CNTNAP2: variants seen among roughly 807,000 people sequenced by gnomAD.
The protein encoded by CNTNAP2 is contactin-associated protein-like 2.
In CNTNAP2, 98 loss-of-function variants were observed where a neutral mutation model predicts 155.2. That is an observed-to-expected ratio of 0.63 (90% CI 0.54 to 0.75). CNTNAP2 has a LOEUF of 0.75. Ranked by LOEUF, CNTNAP2 falls within the 30% of genes least tolerant of loss-of-function variation. The pLI, the probability that CNTNAP2 is intolerant of heterozygous loss-of-function variation, is 0.00. For synonymous variants in CNTNAP2, 651 were observed against 631.2 expected (o/e 1.03, Z -0.47); for missense variants, 1,727 against 1,688.1 (o/e 1.02, Z -0.40).
At chr7:147,102,989 A>G (rs1800686066) in intron 4 of CNTNAP2, among the ~76,000 whole-genome samples, 1 of 152,184 alleles carries the variant, frequency 6.6e-6, no homozygotes, top group South Asian at 2.1e-4. Context: ...CCTCAAGTAT[A>G]TTTGTAGTTG....
At chr7:147,887,546 A>T (rs1455061768) in intron 13 of CNTNAP2, among the ~76,000 whole-genome samples, 1 of 152,186 alleles carries the variant, frequency 6.6e-6, no homozygotes. Flanking sequence ...ATTGAGGAAG[A>T]TCCTTGAGGC....
intron 1 of CNTNAP2, among the ~76,000 whole-genome samples, chr7:146,180,301 CT>C (rs765010419): frequency 4.6e-5 from 7 of 151,702 alleles, no homozygotes; most frequent in East Asian, 1.9e-4. Flanking sequence ...TCATTTTTTT[CT>C]TTTTTTCTTT....
intron 8 of CNTNAP2, among the ~76,000 whole-genome samples, chr7:147,169,396 A>G (rs1306298624): frequency 6.6e-6 from 1 of 152,140 alleles, no homozygotes; most frequent in East Asian, 1.9e-4. Context: ...TGAGCATTGT[A>G]CCCAATAGGT....
intron 5 of CNTNAP2, among the ~76,000 whole-genome samples, chr7:147,116,795 C>T (rs1801000936): frequency 6.6e-6 from 1 of 152,116 alleles, no homozygotes; most frequent in Non-Finnish European, 1.5e-5. Flanking sequence ...GAGGTCCCAC[C>T]CAGTAGGAAG....
intron 1 of CNTNAP2, among the ~76,000 whole-genome samples, chr7:146,290,291 G>A (rs779128584): frequency 1.3e-5 from 2 of 152,118 alleles, no homozygotes; most frequent in Non-Finnish European, 2.9e-5. Flanking sequence ...ATCCAGTTGA[G>A]TTCTCCTACT....
At chr7:147,603,859 G>T (rs1317097452) in intron 12 of CNTNAP2, among the ~76,000 whole-genome samples, 1 of 152,070 alleles carries the variant, frequency 6.6e-6, no homozygotes, top group Non-Finnish European at 1.5e-5. Context: ...GCATGGTACT[G>T]GTACTAAAAC....
At chr7:146,184,956 T>C (rs1798601600) in intron 1 of CNTNAP2, among the ~76,000 whole-genome samples, 1 of 152,180 alleles carries the variant, frequency 6.6e-6, no homozygotes, top group African/African-American at 2.4e-5. Flanking sequence ...TCAGAGATGG[T>C]TTTTCTGTAT....
At chr7:146,276,155 C>A (rs150153884) in intron 1 of CNTNAP2, among the ~76,000 whole-genome samples, 2 of 152,148 alleles carry the variant, frequency 1.3e-5, no homozygotes, top group East Asian at 1.9e-4. Flanking sequence ...TCAAGGGGAC[C>A]AAGACAATCA....
chr7:147,013,636 C>A (rs550036656), intron 3 of CNTNAP2, among the ~76,000 whole-genome samples: 27 of 152,162 alleles, frequency 1.8e-4, no homozygotes, highest in Middle Eastern at 3.4e-3. Context: ...ATACTTCATC[C>A]GTGTCCGTCT....
intron 4 of CNTNAP2, among the ~76,000 whole-genome samples, 179 bp downstream of exon 4, chr7:147,044,233 T>C (rs747303339): frequency 7.2e-5 from 11 of 152,098 alleles, no homozygotes; most frequent in Non-Finnish European, 1.5e-4. Flanking sequence ...GTGTCTCTAT[T>C]TGCATGTTAT....
At chr7:148,194,793 T>A (rs898514500) in intron 18 of CNTNAP2, among the ~76,000 whole-genome samples, 15 of 152,162 alleles carry the variant, frequency 9.9e-5, no homozygotes, top group African/African-American at 3.4e-4. Flanking sequence ...ACCTTTTTGT[T>A]CCATCTGGCC....
chr7:147,831,791 A>G (rs1563104181), intron 13 of CNTNAP2: 1 of 152,192 alleles, frequency 6.6e-6, no homozygotes, highest in Non-Finnish European at 1.5e-5. Flanking sequence ...GGCAGCACAT[A>G]TGCTAACACT....
At chr7:147,088,927 G>C (rs1800338985) in intron 4 of CNTNAP2, among the ~76,000 whole-genome samples, 1 of 152,048 alleles carries the variant, frequency 6.6e-6, no homozygotes, top group Non-Finnish European at 1.5e-5. Context: ...CTGGGTGACA[G>C]AGCAAGATGC....
intron 12 of CNTNAP2, among the ~76,000 whole-genome samples, chr7:147,595,336 T>G (rs1041475273): frequency 1.1e-4 from 16 of 152,192 alleles, no homozygotes; most frequent in African/African-American, 3.6e-4. Context: ...ATTCAAATGA[T>G]TCACCAATTT....
intron 14 of CNTNAP2, among the ~76,000 whole-genome samples, chr7:147,951,353 G>A (rs903485839): frequency 2.0e-5 from 3 of 152,154 alleles, no homozygotes; most frequent in African/African-American, 4.8e-5. Context: ...TTCTGTAATA[G>A]GGAAAGAGGA....
At chr7:146,154,030 C>G (rs1798089685) in intron 1 of CNTNAP2, among the ~76,000 whole-genome samples, 1 of 151,954 alleles carries the variant, frequency 6.6e-6, no homozygotes, top group African/African-American at 2.4e-5. Context: ...TTGGAAAACA[C>G]TGATTGTTCA....
intron 3 of CNTNAP2, among the ~76,000 whole-genome samples, chr7:146,977,962 T>C (rs1025530382): frequency 6.6e-6 from 1 of 152,068 alleles, no homozygotes; most frequent in Admixed American, 6.5e-5. Flanking sequence ...TGTAAAGAAA[T>C]GGAATTTTTT....
At chr7:148,072,164 G>C (rs1459168430) in intron 15 of CNTNAP2, among the ~76,000 whole-genome samples, 1 of 151,896 alleles carries the variant, frequency 6.6e-6, no homozygotes, top group Non-Finnish European at 1.5e-5. Context: ...CTTTACCCCT[G>C]AGTTCAGAAA....
chr7:146,555,955 C>T lies in CNTNAP2; in HGVS notation c.98-218316C>T, dbSNP rs917273993. ...TGTAAAGCTGAAGCTCAGTGCCTAG[C>T]ATACAATCCACTCTCAAAAAAGAGA... On this transcript the variant is annotated intron_variant, in intron 1 of 23. Transcript: ENST00000361727. 1.2e-4 allele frequency among the ~76,000 whole-genome samples: 19 copies of T among 152,288 alleles called. No individual in the cohort carries two copies. The South Asian group carries it at 3.7e-3, about 30-fold the overall frequency.
Sources: gnomAD v4.1 joint callset for allele counts (sites outside exome capture counted in the v4.1 genomes callset) on GRCh38, gnomAD v4.1.1 for gene constraint, MANE v1.5 for transcripts, NCBI Gene and HGNC (gene_info 2026-07-23, HGNC 2026-07-21) for gene names.